Variants in CHN2 observed in about 807,000 individuals in gnomAD.
The protein encoded by CHN2 is beta-chimaerin.
Under a neutral mutation model 56.3 loss-of-function variants are expected in CHN2, and 35 were observed. That is an observed-to-expected ratio of 0.62 (90% CI 0.47 to 0.82). The LOEUF is 0.82. CHN2 is among the 40% of genes least tolerant of loss of function. The pLI, the probability that CHN2 is intolerant of heterozygous loss-of-function variation, is 0.00. For missense variants in CHN2, 491 were observed against 580.5 expected (o/e 0.85, Z 1.58); for synonymous variants, 210 against 212.8 (o/e 0.99, Z 0.12).
intron 1 of CHN2, among the ~76,000 whole-genome samples, chr7:29,210,429 C>CCA (rs762218744): frequency 3.3e-5 from 5 of 151,222 alleles, no homozygotes; most frequent in Admixed American, 6.6e-5. Flanking sequence ...CACACACACC[C>CCA]CACACACACA....
At chr7:29,172,492 G>A (rs534907607) in intron 2 of CHN2, among the ~76,000 whole-genome samples, 3 of 152,074 alleles carry the variant, frequency 2.0e-5, no homozygotes, top group Non-Finnish European at 4.4e-5. Flanking sequence ...AAATAACCAA[G>A]CCTTCAGATT....
intron 7 of CHN2, among the ~76,000 whole-genome samples, chr7:29,485,500 T>C (rs1787857666): frequency 6.6e-6 from 1 of 152,160 alleles, no homozygotes; most frequent in African/African-American, 2.4e-5. Context: ...GGAGATCCTG[T>C]GTAAGAGACA....
chr7:29,286,402 A>G (rs1157654158), intron 1 of CHN2, among the ~76,000 whole-genome samples: 3 of 149,850 alleles, frequency 2.0e-5, no homozygotes, highest in Non-Finnish European at 4.4e-5. Context: ...GACAAGTTGC[A>G]TAGGTGGGAG....
chr7:29,294,164 C>G (rs1792932687), intron 1 of CHN2, among the ~76,000 whole-genome samples: 1 of 152,040 alleles, frequency 6.6e-6, no homozygotes, highest in African/African-American at 2.4e-5. Flanking sequence ...CGGCGCCCGG[C>G]CTGAGGGTGG....
chr7:29,417,333 C>CTTTTTTTTTTTTTTTTT (rs5883209), intron 6 of CHN2, among the ~76,000 whole-genome samples: 1 of 121,132 alleles, frequency 8.3e-6, no homozygotes, highest in East Asian at 2.5e-4. Context: ...TACTGTAACC[C>CTTTTTTTTTTTTTTTTT]TTTTTTTTTT....
At chr7:29,196,298 C>G (rs1783706210) in intron 1 of CHN2, among the ~76,000 whole-genome samples, 1 of 152,178 alleles carries the variant, frequency 6.6e-6, no homozygotes, top group Admixed American at 6.5e-5. Context: ...AATGGCACTT[C>G]CTTTCTCGAT....
At chr7:29,269,746 T>A (rs1317433725) in intron 1 of CHN2, among the ~76,000 whole-genome samples, 1 of 152,216 alleles carries the variant, frequency 6.6e-6, no homozygotes, top group Non-Finnish European at 1.5e-5. Context: ...GGATCATAAA[T>A]CAAAAGGACT....
At chr7:29,378,682 T>A (rs1006570074) in intron 3 of CHN2, among the ~76,000 whole-genome samples, 5 of 152,170 alleles carry the variant, frequency 3.3e-5, no homozygotes, top group Admixed American at 6.5e-5. Context: ...AAGAGTGAGT[T>A]AGGCCACGCG....
chr7:29,441,597 A>G (rs1298900810), intron 6 of CHN2, among the ~76,000 whole-genome samples: 1 of 152,254 alleles, frequency 6.6e-6, no homozygotes, highest in Non-Finnish European at 1.5e-5. Flanking sequence ...CCAAAAGACA[A>G]TCTAATGAAA....
rs560940732 is a variant in CHN2 at position 29,194,881 on chromosome 7, G to GGCA, written c.-58_-56dup. The GGCA allele has an allele frequency of 2.1e-3, 2,904 of 1,381,866 alleles. 10 individuals are homozygous for GGCA. The highest frequency in any genetic ancestry group is 6.4e-3 in the African/African-American group (424 of 65,950). 85.6% of individuals were successfully genotyped at this position (1,381,866 alleles called of 1,614,324 possible). A position where few individuals can be genotyped will look rare whatever the true frequency, so the allele number is the denominator to read the frequency against. On this transcript the variant is annotated 5_prime_UTR_variant, in exon 1 of 13. Transcript: ENST00000222792. ...CGGAGGCTGCGAGCGGCCGGGCGAG[G>GGCA]GCAGCGGCGGCGGCGTCCGCACCGG... is the stretch of plus-strand genomic sequence containing the variant.
intron 1 of CHN2, among the ~76,000 whole-genome samples, chr7:29,224,758 C>G (rs1266188659): frequency 6.6e-6 from 1 of 152,150 alleles, no homozygotes; most frequent in Non-Finnish European, 1.5e-5. Flanking sequence ...TGCTAAAGTG[C>G]TATTCAAACA....
At chr7:29,367,889 T>C (rs781214765) in intron 2 of CHN2, 43 bp from the exon 3 acceptor site, 20 of 1,561,554 alleles carry the variant, frequency 1.3e-5, no homozygotes, top group Non-Finnish European at 1.7e-5. Context: ...TGCAGTATTC[T>C]AATTCTAATT....
intron 2 of CHN2, among the ~76,000 whole-genome samples, chr7:29,356,413 G>A (rs1453697647): frequency 4.6e-5 from 7 of 152,014 alleles, no homozygotes; most frequent in Non-Finnish European, 1.0e-4. Flanking sequence ...TACATAAAAC[G>A]GAGAGTAAAA....
At chr7:29,315,908 T>C (rs1382423219) in intron 1 of CHN2, among the ~76,000 whole-genome samples, 6 of 152,192 alleles carry the variant, frequency 3.9e-5, no homozygotes, top group Admixed American at 6.5e-5. Context: ...GGGTGGACCA[T>C]GCATAAATTA....
At position 29,196,960 on chromosome 7, in the gene CHN2, C is replaced by G. The variant is rs999813030; in HGVS notation, c.49+1970C>G. Among the ~76,000 whole-genome samples, 6 of 152,260 alleles carry G rather than the reference C, an allele frequency of 3.9e-5. No homozygotes were observed. The South Asian group carries it at 1.0e-3, about 26-fold the overall frequency. On this transcript the variant is annotated intron_variant, in intron 1 of 12. Coordinates refer to ENST00000222792, the MANE Select transcript of CHN2 (RefSeq NM_004067.4). ...GGATGTATTGTTTGGCATGAATCAGCCTAGCCCATGAGTTTATACTGCCTA... is the reference window on the plus strand; with the variant it reads ...GGATGTATTGTTTGGCATGAATCAGGCTAGCCCATGAGTTTATACTGCCTA...
At chr7:29,359,231 G>A (rs1021226715) in intron 2 of CHN2, among the ~76,000 whole-genome samples, 8 of 152,098 alleles carry the variant, frequency 5.3e-5, no homozygotes, top group Non-Finnish European at 1.0e-4. Flanking sequence ...ATATAACCCT[G>A]TATAACATGA....
At chr7:29,203,061 T>A (rs1052760405) in intron 1 of CHN2, among the ~76,000 whole-genome samples, 1 of 152,214 alleles carries the variant, frequency 6.6e-6, no homozygotes. Context: ...AATTGAGATG[T>A]GCTACAAGTG....
intron 1 of CHN2, among the ~76,000 whole-genome samples, chr7:29,256,872 AT>A (rs1789121665): frequency 1.3e-5 from 2 of 152,180 alleles, no homozygotes; most frequent in South Asian, 4.1e-4. Context: ...AAGACCTTGT[AT>A]TAGCAAGGAG....
chr7:29,398,201 C>T, intron 4 of CHN2, 172 bp from the exon 5 acceptor site: 1 of 483,166 alleles, frequency 2.1e-6, no homozygotes, highest in Non-Finnish European at 3.7e-6. Context: ...GTGTTTGGAG[C>T]ATGTGAGGGG....
Sources: allele counts gnomAD v4.1 joint callset (sites outside exome capture counted in the v4.1 genomes callset), GRCh38; gene constraint gnomAD v4.1.1; transcripts MANE v1.5; gene names NCBI Gene and HGNC (gene_info 2026-07-23, HGNC 2026-07-21).